The following RBFOX1 variants were observed in gnomAD, a reference collection of about 807,000 sequenced individuals.
The protein encoded by RBFOX1 is RNA binding fox-1 homolog 1, also known as RNA binding protein fox-1 homolog 1.
A neutral mutation model predicts 57.7 loss-of-function variants in RBFOX1; 8 were observed. That is an observed-to-expected ratio of 0.14 (90% CI 0.08 to 0.25). RBFOX1 has a LOEUF of 0.25. Among genes scored for constraint, RBFOX1 ranks in the 10% least tolerant of loss-of-function variants. RBFOX1 has a pLI of 1.00. For synonymous variants in RBFOX1, 326 were observed against 222.4 expected (o/e 1.47, Z -4.15); for missense variants, 611 against 548.5 (o/e 1.11, Z -1.14).
intron 3 of RBFOX1, among the ~76,000 whole-genome samples, chr16:6,760,615 A>C (rs913352458): frequency 6.6e-6 from 1 of 152,228 alleles, no homozygotes; most frequent in Non-Finnish European, 1.5e-5. Flanking sequence ...GACTTGAAGT[A>C]CTAGACTGAA....
At chr16:7,426,363 C>G (rs552019168) in intron 4 of RBFOX1, among the ~76,000 whole-genome samples, 2 of 152,280 alleles carry the variant, frequency 1.3e-5, no homozygotes, top group Non-Finnish European at 1.5e-5. Flanking sequence ...ACTTAACACC[C>G]AGCTCTGGGG....
intron 14 of RBFOX1, among the ~76,000 whole-genome samples, chr16:7,693,152 T>G (rs1287143500): frequency 1.3e-5 from 2 of 152,112 alleles, no homozygotes; most frequent in Non-Finnish European, 2.9e-5. Flanking sequence ...GCATGCTTAT[T>G]TCATGATCTT....
At chr16:7,668,768 T>G (rs2070346257) in intron 13 of RBFOX1, among the ~76,000 whole-genome samples, 1 of 152,176 alleles carries the variant, frequency 6.6e-6, no homozygotes, top group South Asian at 2.1e-4. Flanking sequence ...TGCTTAGTGG[T>G]GCACCTTTAA....
At chr16:6,882,061 C>G (rs886458354) in intron 3 of RBFOX1, among the ~76,000 whole-genome samples, 1 of 152,148 alleles carries the variant, frequency 6.6e-6, no homozygotes, top group South Asian at 2.1e-4. Flanking sequence ...TGTCAGTCTT[C>G]CTGCTTAATA....
At chr16:6,485,118 T>G (rs1226286601) in intron 2 of RBFOX1, among the ~76,000 whole-genome samples, 1 of 152,148 alleles carries the variant, frequency 6.6e-6, no homozygotes, top group Admixed American at 6.5e-5. Flanking sequence ...GGTTGTTTGT[T>G]AAGTAAGTGA....
intron 2 of RBFOX1, among the ~76,000 whole-genome samples, chr16:6,653,466 G>T (rs989385746): frequency 6.6e-6 from 1 of 152,146 alleles, no homozygotes; most frequent in Non-Finnish European, 1.5e-5. Flanking sequence ...ACTATTGCTT[G>T]TGGGACTGTG....
At chr16:7,380,702 A>G (rs533258848) in intron 4 of RBFOX1, among the ~76,000 whole-genome samples, 3 of 152,320 alleles carry the variant, frequency 2.0e-5, no homozygotes, top group South Asian at 4.1e-4. Flanking sequence ...GTTTCATACA[A>G]CTGTTTTCGT....
At chr16:5,896,405 A>G (rs1023930586) in intron 4 of RBFOX1, among the ~76,000 whole-genome samples, 1 of 151,970 alleles carries the variant, frequency 6.6e-6, no homozygotes, top group African/African-American at 2.4e-5. Context: ...CCCCTTGAGA[A>G]CTGATTGCTA....
intron 2 of RBFOX1, among the ~76,000 whole-genome samples, chr16:6,651,647 G>A (rs1196014019): frequency 6.6e-6 from 1 of 152,152 alleles, no homozygotes; most frequent in African/African-American, 2.4e-5. Flanking sequence ...AAACGGTAGG[G>A]TGGTTCCTCA....
intron 3 of RBFOX1, among the ~76,000 whole-genome samples, chr16:6,864,989 CTTTTTCTTTT>C (rs1209327059): frequency 2.8e-5 from 3 of 105,804 alleles, no homozygotes; most frequent in Admixed American, 1.1e-4. Flanking sequence ...GTGGGTTTTT[CTTTTTCTTTT>C]TTTTTTTTTT....
intron 3 of RBFOX1, among the ~76,000 whole-genome samples, chr16:6,940,874 T>C (rs906425754): frequency 7.1e-6 from 1 of 140,588 alleles, no homozygotes. Flanking sequence ...TGTGTGTGTG[T>C]GTGTGTGTGT....
At chr16:7,268,014 C>G (rs1356683558) in intron 4 of RBFOX1, among the ~76,000 whole-genome samples, 1 of 152,162 alleles carries the variant, frequency 6.6e-6, no homozygotes, top group East Asian at 1.9e-4. Context: ...CACACAAACC[C>G]AGATGCTGTA....
At chr16:6,701,166 G>T (rs765906721) in intron 3 of RBFOX1, among the ~76,000 whole-genome samples, 4 of 150,316 alleles carry the variant, frequency 2.7e-5, no homozygotes, top group Non-Finnish European at 5.9e-5. Context: ...TGTTTGTCTT[G>T]GGCTGAAATG....
At chr16:6,683,365 T>G (rs2058954497) in intron 3 of RBFOX1, among the ~76,000 whole-genome samples, 1 of 152,168 alleles carries the variant, frequency 6.6e-6, no homozygotes, top group Non-Finnish European at 1.5e-5. Flanking sequence ...TAGGTGTGAT[T>G]CATGGAATTG....
At chr16:7,560,918 C>G (rs1375105670) in intron 5 of RBFOX1, among the ~76,000 whole-genome samples, 1 of 152,150 alleles carries the variant, frequency 6.6e-6, no homozygotes, top group African/African-American at 2.4e-5. Context: ...TTCACATATT[C>G]CCGTCTGGCC....
intron 4 of RBFOX1, among the ~76,000 whole-genome samples, chr16:7,363,796 G>A (rs1248384081): frequency 6.6e-6 from 1 of 152,058 alleles, no homozygotes; most frequent in African/African-American, 2.4e-5. Flanking sequence ...TTCAGGGGCC[G>A]AAAATAAGTG....
rs2059871637 is a variant in RBFOX1 at position 7,625,011 on chromosome 16, C to G, written c.677-5592C>G. 2.0e-5 allele frequency among the ~76,000 whole-genome samples: 3 copies of G among 152,062 alleles called. No individual in the cohort carries two copies. In the South Asian group the frequency reaches 6.2e-4, roughly 31 times the overall value. On this transcript the variant is annotated intron_variant, in intron 10 of 15. Coordinates refer to ENST00000550418, the MANE Select transcript of RBFOX1 (RefSeq NM_018723.4). ...GAGAGTGGGGCCTGGAACAGAGAAA[C>G]CTTGTGTGTGGCAGATAAGTGGTAG... is the stretch of plus-strand genomic sequence containing the variant.
intron 2 of RBFOX1, among the ~76,000 whole-genome samples, chr16:6,478,101 G>A (rs1000762021): frequency 3.3e-5 from 5 of 151,940 alleles, no homozygotes; most frequent in Non-Finnish European, 5.9e-5. Context: ...CCAGCAACAA[G>A]GCTCTTTTAC....
intron 4 of RBFOX1, among the ~76,000 whole-genome samples, chr16:7,091,766 A>G (rs2060899807): frequency 6.6e-6 from 1 of 152,174 alleles, no homozygotes; most frequent in Non-Finnish European, 1.5e-5. Context: ...TGAATGCTAA[A>G]GCTTTTTCTG....
Sources: allele counts gnomAD v4.1 joint callset (sites outside exome capture counted in the v4.1 genomes callset), GRCh38; gene constraint gnomAD v4.1.1; transcripts MANE v1.5; gene names NCBI Gene and HGNC (gene_info 2026-07-23, HGNC 2026-07-21).